SFSWAP: variants seen among roughly 807,000 people sequenced by gnomAD.
SFSWAP encodes splicing factor, suppressor of white-apricot homolog.
A neutral mutation model predicts 100.7 loss-of-function variants in SFSWAP; 17 were observed. The ratio of observed to expected loss-of-function variants is 0.17; its 90% confidence interval spans 0.12 to 0.25. The LOEUF (loss-of-function observed/expected upper bound fraction) is 0.25. Among genes scored for constraint, SFSWAP ranks in the 10% least tolerant of loss-of-function variants. The pLI is 1.00. For synonymous variants in SFSWAP, 504 were observed against 510.1 expected (o/e 0.99, Z 0.16); for missense variants, 1,005 against 1,262.6 (o/e 0.80, Z 3.09).
In SFSWAP at chr12:131,753,303, T is replaced by C. The variant is rs1982528; in HGVS notation, c.1262T>C (p.Leu421Pro). Residue 421 changes from leucine (L) to proline (P), a missense_variant, in exon 8 of 18, where the codon CTA (leucine) becomes CCA (proline). By Grantham distance (98) the Leu-to-Pro change is moderately conservative. This residue lies in a region of SFSWAP where 311 missense variants were observed against 317.8 expected (regional missense o/e 0.98). Coordinates refer to ENST00000261674, the MANE Select transcript of SFSWAP (RefSeq NM_004592.4). ...CCACCACCTCCTGGGACCACACCAC[T>C]ACCGCCCCCAACCACAGCAGAGACT... ...TAPPPPGTTP[L>P]PPPTTAETSS... 0.97 allele frequency: 1,569,381 copies of C among 1,613,468 alleles called. 764,458 individuals carry two copies. Among genetic ancestry groups the C allele is most frequent in the East Asian group, 0.99 (44,538 of 44,860 alleles).
At chr12:131,743,129 G>T (rs1880810132) in intron 7 of SFSWAP, among the ~76,000 whole-genome samples, 1 of 152,184 alleles carries the variant, frequency 6.6e-6, no homozygotes, top group Non-Finnish European at 1.5e-5. Context: ...TTCAAGATGA[G>T]ATTTGGGTGG....
intron 14 of SFSWAP, among the ~76,000 whole-genome samples, chr12:131,780,699 C>T (rs1287982065): frequency 6.6e-6 from 1 of 152,168 alleles, no homozygotes; most frequent in Non-Finnish European, 1.5e-5. Flanking sequence ...AAAAATTTCC[C>T]ACTTGAATAT....
chr12:131,770,898 C>T (rs922866918), intron 13 of SFSWAP, among the ~76,000 whole-genome samples: 21 of 152,146 alleles, frequency 1.4e-4, no homozygotes, highest in African/African-American at 3.9e-4. Context: ...CCTCTGTGAA[C>T]GGGACTCCTG....
chr12:131,726,450 T>C (rs1385564434), intron 5 of SFSWAP, among the ~76,000 whole-genome samples: 1 of 152,234 alleles, frequency 6.6e-6, no homozygotes, highest in East Asian at 1.9e-4. Flanking sequence ...CCTCAGGTGA[T>C]CCACCCGCCT....
chr12:131,756,903 C>T (rs1211931352), intron 11 of SFSWAP: 1 of 387,356 alleles, frequency 2.6e-6, no homozygotes, highest in African/African-American at 2.1e-5. Context: ...GACATTTGTA[C>T]AGAAAGTTTC....
At chr12:131,751,520 T>C (rs1881626250) in intron 7 of SFSWAP, among the ~76,000 whole-genome samples, 1 of 152,258 alleles carries the variant, frequency 6.6e-6, no homozygotes, top group South Asian at 2.1e-4. Flanking sequence ...CCTGGAGTGC[T>C]GGCTTCGCCC....
chr12:131,743,051 C>G (rs572258427), intron 7 of SFSWAP, among the ~76,000 whole-genome samples: 1 of 152,150 alleles, frequency 6.6e-6, no homozygotes, highest in African/African-American at 2.4e-5. Context: ...GGGAAAGACC[C>G]GCCCCCATAA....
intron 12 of SFSWAP, among the ~76,000 whole-genome samples, chr12:131,765,181 C>T (rs763578685): frequency 2.0e-5 from 3 of 152,282 alleles, no homozygotes; most frequent in Non-Finnish European, 4.4e-5. Flanking sequence ...CCCAACACTG[C>T]TGGCAGCATG....
chr12:131,749,926 G>C (rs1269766462), intron 7 of SFSWAP, among the ~76,000 whole-genome samples: 3 of 152,250 alleles, frequency 2.0e-5, no homozygotes, highest in African/African-American at 7.2e-5. Flanking sequence ...GGAGGCAGAG[G>C]CTTCCCGAAA....
intron 3 of SFSWAP, among the ~76,000 whole-genome samples, chr12:131,717,282 A>T (rs762142356): frequency 6.6e-6 from 1 of 152,218 alleles, no homozygotes; most frequent in East Asian, 1.9e-4. Flanking sequence ...GCCTTGTGAT[A>T]CTAGCCAAAA....
intron 14 of SFSWAP, among the ~76,000 whole-genome samples, chr12:131,780,049 G>C (rs957903773): frequency 2.3e-4 from 35 of 152,202 alleles, no homozygotes; most frequent in Non-Finnish European, 1.5e-5. Context: ...GCCTCCCACA[G>C]TGCTGGGGTT....
At chr12:131,753,896 T>C (rs1315244218) in intron 8 of SFSWAP, among the ~76,000 whole-genome samples, 1 of 152,152 alleles carries the variant, frequency 6.6e-6, no homozygotes, top group East Asian at 1.9e-4. Flanking sequence ...ACAGGCGCTT[T>C]ACCAGTGGGC....
intron 7 of SFSWAP, among the ~76,000 whole-genome samples, chr12:131,750,891 TGG>T (rs199818670): frequency 0.18 from 26,921 of 152,022 alleles, 2,986 homozygotes; most frequent in Non-Finnish European, 0.25. Flanking sequence ...TGGGGTCTGA[TGG>T]TATTGCCCAG....
intron 7 of SFSWAP, among the ~76,000 whole-genome samples, chr12:131,729,104 G>C (rs1034974032): frequency 3.3e-5 from 5 of 152,136 alleles, no homozygotes; most frequent in African/African-American, 9.7e-5. Context: ...AGAGGCAATG[G>C]GGCCTCCGTT....
intron 13 of SFSWAP, among the ~76,000 whole-genome samples, chr12:131,774,248 A>G (rs1052091798): frequency 3.3e-5 from 5 of 152,228 alleles, no homozygotes; most frequent in Non-Finnish European, 7.3e-5. Context: ...TATCCCTTTC[A>G]TAGTTAATGT....
At chr12:131,747,373 G>A (rs543613484) in intron 7 of SFSWAP, among the ~76,000 whole-genome samples, 2 of 152,324 alleles carry the variant, frequency 1.3e-5, no homozygotes, top group Non-Finnish European at 2.9e-5. Context: ...GAGGCCTCCT[G>A]TGACCAGAGA....
intron 3 of SFSWAP, among the ~76,000 whole-genome samples, chr12:131,718,441 CTG>C (rs1878137238): frequency 6.6e-6 from 1 of 152,116 alleles, no homozygotes; most frequent in Admixed American, 6.5e-5. Flanking sequence ...TCTTTTTAAA[CTG>C]GTAATCATCT....
intron 15 of SFSWAP, 153 bp from the exon 16 acceptor site, chr12:131,797,025 C>A: frequency 1.5e-6 from 1 of 661,238 alleles, no homozygotes; most frequent in Non-Finnish European, 2.7e-6. Context: ...AAATAAGTAG[C>A]TTTAAGAGAA....
At chr12:131,797,464 T>C in intron 16 of SFSWAP, 104 bp downstream of exon 16, 1 of 1,093,418 alleles carries the variant, frequency 9.1e-7, no homozygotes, top group Non-Finnish European at 1.3e-6. Context: ...CTCGCCTGTG[T>C]CCAGGGGGCG....
Sources: allele counts gnomAD v4.1 joint callset (sites outside exome capture counted in the v4.1 genomes callset), GRCh38; gene constraint gnomAD v4.1.1; regional missense constraint gnomAD v4.1.1; transcripts MANE v1.5; gene names NCBI Gene and HGNC (gene_info 2026-07-23, HGNC 2026-07-21).